The following PTPRA variants were observed in gnomAD, a reference collection of about 807,000 sequenced individuals.
The protein encoded by PTPRA is protein tyrosine phosphatase receptor type A, also known as receptor-type tyrosine-protein phosphatase alpha.
A neutral mutation model predicts 104.8 loss-of-function variants in PTPRA; 25 were observed. The observed-to-expected ratio is 0.24, with a 90% CI of 0.17 to 0.33. The LOEUF (loss-of-function observed/expected upper bound fraction) is 0.33, where lower values mean the gene tolerates loss of function less well. Ranked by LOEUF, PTPRA falls within the 10% of genes least tolerant of loss-of-function variation. The pLI is 1.00. For missense variants in PTPRA, 765 were observed against 1,015.3 expected (o/e 0.75, Z 3.35); for synonymous variants, 323 against 368.9 (o/e 0.88, Z 1.43).
intron 1 of PTPRA, among the ~76,000 whole-genome samples, chr20:2,915,877 G>A (rs752484350): frequency 6.6e-6 from 1 of 152,112 alleles, no homozygotes; most frequent in Non-Finnish European, 1.5e-5. Context: ...GGGAAGTTGA[G>A]GCAGGAAAAT....
At chr20:2,927,197 G>A (rs550164432) in intron 2 of PTPRA, among the ~76,000 whole-genome samples, 11 of 152,164 alleles carry the variant, frequency 7.2e-5, no homozygotes, top group South Asian at 4.2e-4. Flanking sequence ...CGTGAGTGCC[G>A]CGCCCACTTA....
At chr20:2,883,832 C>T (rs556106049) in intron 1 of PTPRA, among the ~76,000 whole-genome samples, 4 of 152,160 alleles carry the variant, frequency 2.6e-5, no homozygotes, top group African/African-American at 9.6e-5. Flanking sequence ...CAGCTTTTGC[C>T]ACTGTCTAGT....
At chr20:2,965,638 A>G (rs1008457715) in intron 5 of PTPRA, among the ~76,000 whole-genome samples, 9 of 152,126 alleles carry the variant, frequency 5.9e-5, no homozygotes, top group Non-Finnish European at 1.2e-4. Flanking sequence ...AGAATGAGTA[A>G]TAAGATTAGG....
intron 2 of PTPRA, among the ~76,000 whole-genome samples, chr20:2,939,834 C>T (rs1003239507): frequency 1.3e-5 from 2 of 152,152 alleles, no homozygotes; most frequent in African/African-American, 2.4e-5. Context: ...GGGCTGGGCG[C>T]GGTGGCTGAC....
At chr20:2,938,150 C>T (rs563770019) in intron 2 of PTPRA, among the ~76,000 whole-genome samples, 1 of 152,154 alleles carries the variant, frequency 6.6e-6, no homozygotes, top group South Asian at 2.1e-4. Context: ...GAGACCCCAC[C>T]TCTAAAACAG....
At chr20:2,894,904 G>C (rs1180051686) in intron 1 of PTPRA, among the ~76,000 whole-genome samples, 1 of 151,206 alleles carries the variant, frequency 6.6e-6, no homozygotes, top group Non-Finnish European at 1.5e-5. Flanking sequence ...GGAGAATGGG[G>C]TGAACCCGGG....
rs951475016 is a variant in PTPRA, at chr20:2,923,226, A to AT, written c.-109_-108insT. On this transcript the variant is annotated 5_prime_UTR_variant, in exon 2 of 24. Coordinates refer to ENST00000399903, the MANE Select transcript of PTPRA (RefSeq NM_001385305.1). ...TTGCAGGTGACACAACTAAAAAAAA[A>AT]CAAAGGTATTTATGGAATTCCACTG... 5.0e-5 allele frequency: 63 copies of AT among 1,259,298 alleles called. No individual in the cohort carries two copies. Among genetic ancestry groups the AT allele is most frequent in the Non-Finnish European group, 6.3e-5 (61 of 972,330 alleles). 78.0% of individuals were successfully genotyped at this position (1,259,298 alleles called of 1,614,324 possible). A position where few individuals can be genotyped will look rare whatever the true frequency, so the allele number is the denominator to read the frequency against.
chr20:2,971,653 A>G (rs2062192110), intron 5 of PTPRA, among the ~76,000 whole-genome samples: 1 of 152,158 alleles, frequency 6.6e-6, no homozygotes, highest in East Asian at 1.9e-4. Flanking sequence ...GTGGTTTTTC[A>G]TTATACGTGG....
chr20:2,917,190 C>T (rs1030552528), intron 1 of PTPRA, among the ~76,000 whole-genome samples: 2 of 151,812 alleles, frequency 1.3e-5, no homozygotes, highest in South Asian at 4.2e-4. Context: ...CTCCTGACCC[C>T]CAAGTGATCC....
At chr20:2,949,349 G>C (rs1009724305) in intron 3 of PTPRA, among the ~76,000 whole-genome samples, 2 of 144,104 alleles carry the variant, frequency 1.4e-5, no homozygotes, top group African/African-American at 5.2e-5. Flanking sequence ...ATGTTTTCTC[G>C]CTTTGTCACC....
chr20:3,022,584 A>T lies in PTPRA; in HGVS notation c.1329-105A>T, dbSNP rs536456462. On this transcript the variant is annotated intron_variant, in intron 15 of 23. Coordinates refer to ENST00000399903, the MANE Select transcript of PTPRA (RefSeq NM_001385305.1). This position sits in a 1 kb window ranked among gnomAD's most constrained non-coding sequence, Gnocchi z 4.6. ...CCCCAGCTCTACCCCATTCAGAATT[A>T]GGATTTAGACCCTGAAGGAAGAGCC... 6.7e-7 allele frequency: 1 copy of T among 1,490,074 alleles called. No individual in the cohort carries two copies. The highest frequency in any genetic ancestry group is 2.3e-5 in the East Asian group (1 of 43,768). The allele number at this position is 1,490,074 out of a possible 1,614,324, so 92.3% of individuals were successfully genotyped here.
chr20:2,962,066 C>G (rs2061775216), intron 3 of PTPRA, among the ~76,000 whole-genome samples: 1 of 152,146 alleles, frequency 6.6e-6, no homozygotes. Context: ...TGAGTTGCCC[C>G]TTCAGAATCT....
In PTPRA at chr20:3,021,377, G is replaced by A; in HGVS notation, c.1110G>A (p.Glu370=). ...ATGGGAATATTCGGGTGTCTGTAGA[G>A]GATGTGACTGTCCTGGTGGACTACA... is the stretch of plus-strand genomic sequence containing the variant. ...WTYGNIRVSV[E]DVTVLVDYTV... is the part of the protein sequence containing the mutation. The change falls in exon 14 of 24, where the codon GAG becomes GAA. Residue 370 remains glutamate, a synonymous_variant. Transcript: ENST00000399903. 6.2e-7 allele frequency: 1 copy of A among 1,614,144 alleles called. No homozygotes were observed. Among genetic ancestry groups the A allele is most frequent in the Non-Finnish European group, 8.5e-7 (1 of 1,179,988 alleles).
At chr20:2,879,026 C>T (rs1050463287) in intron 1 of PTPRA, among the ~76,000 whole-genome samples, 7 of 152,246 alleles carry the variant, frequency 4.6e-5, no homozygotes, top group South Asian at 2.1e-4. Flanking sequence ...GGCATTGTGC[C>T]GGAAGCTGGG....
chr20:2,910,032 CAT>C (rs1437552881), intron 1 of PTPRA, among the ~76,000 whole-genome samples: 1,954 of 85,838 alleles, frequency 0.023, 54 homozygotes, highest in African/African-American at 0.14. Flanking sequence ...TATCATATAT[CAT>C]ATCATATATA....
chr20:2,904,008 A>G (rs1167828063), intron 1 of PTPRA, among the ~76,000 whole-genome samples: 1 of 151,902 alleles, frequency 6.6e-6, no homozygotes, highest in Non-Finnish European at 1.5e-5. Flanking sequence ...GGGCTCCAGC[A>G]GTCCTCCCGC....
chr20:3,022,762 G>A lies in PTPRA; in HGVS notation c.1402G>A (p.Val468Met). The part of the protein sequence containing the change: ...MLDMMHTERK[V>M]DVYGFVSRIR... ...GGACATGATGCATACAGAACGGAAGGTGGACGTGTATGGCTTTGTGAGCCG... is the reference window on the plus strand; with the variant it reads ...GGACATGATGCATACAGAACGGAAGATGGACGTGTATGGCTTTGTGAGCCG... The change falls in exon 16 of 24, where the codon GTG becomes ATG. Residue 468 changes from valine to methionine, a missense_variant. Transcript: ENST00000399903. The surrounding 1 kb of genome is among the most constrained non-coding windows in gnomAD (Gnocchi z 4.6). The A allele has an allele frequency of 1.2e-6, 2 of 1,614,214 alleles. No individual in the cohort carries two copies. Among genetic ancestry groups the A allele is most frequent in the Admixed American group, 3.3e-5 (2 of 60,020 alleles).
intron 2 of PTPRA, among the ~76,000 whole-genome samples, chr20:2,923,515 C>T (rs2060174364): frequency 6.6e-6 from 1 of 151,118 alleles, no homozygotes; most frequent in South Asian, 2.1e-4. Context: ...AGACCAAAGT[C>T]AGGCTGGGCA....
intron 9 of PTPRA, among the ~76,000 whole-genome samples, chr20:3,003,065 G>T (rs903133738): frequency 1.3e-5 from 2 of 152,084 alleles, no homozygotes; most frequent in Admixed American, 6.6e-5. Flanking sequence ...TCCAAATTTG[G>T]TGCTTTCTGA....
Sources: gnomAD v4.1 joint callset for allele counts (sites outside exome capture counted in the v4.1 genomes callset) on GRCh38, gnomAD v4.1.1 for gene constraint, Gnocchi (gnomAD v3.1) non-coding constraint, MANE v1.5 for transcripts, NCBI Gene and HGNC (gene_info 2026-07-23, HGNC 2026-07-21) for gene names.